Variants in NR3C2 observed in about 807,000 individuals in gnomAD.
NR3C2 encodes mineralocorticoid receptor.
A neutral mutation model predicts 86.4 loss-of-function variants in NR3C2; 15 were observed. That is an observed-to-expected ratio of 0.17 (90% confidence interval 0.12 to 0.27). The LOEUF is 0.27. Among genes scored for constraint, NR3C2 ranks in the 10% least tolerant of loss-of-function variants. The pLI, the probability that NR3C2 is intolerant of heterozygous loss-of-function variation, is 1.00. For missense variants in NR3C2, 960 were observed against 1,195.6 expected, an observed-to-expected ratio of 0.80 and a Z score of 2.91; for synonymous variants, 458 against 450.5, an observed-to-expected ratio of 1.02 and a Z score of -0.21.
intron 4 of NR3C2, among the ~76,000 whole-genome samples, chr4:148,173,364 T>A (rs1735223081): frequency 6.6e-6 from 1 of 152,158 alleles, no homozygotes; most frequent in African/African-American, 2.4e-5. Context: ...TGCCATGTAA[T>A]CATAAGGCTC....
chr4:148,344,734 A>T (rs913094660), intron 2 of NR3C2, among the ~76,000 whole-genome samples: 1 of 152,180 alleles, frequency 6.6e-6, no homozygotes, highest in African/African-American at 2.4e-5. Context: ...TCTAAAAATC[A>T]GACAATTACG....
At chr4:148,274,310 C>T (rs1300573846) in intron 2 of NR3C2, among the ~76,000 whole-genome samples, 1 of 152,190 alleles carries the variant, frequency 6.6e-6, no homozygotes, top group African/African-American at 2.4e-5. Flanking sequence ...AAATTTACCT[C>T]ACAATGGCAT....
upstream of NR3C2, among the ~76,000 whole-genome samples, chr4:148,443,222 CAAAAAAAAAA>C (rs59506438): frequency 2.4e-3 from 97 of 40,998 alleles, 1 homozygote; most frequent in African/African-American, 5.9e-3. Context: ...CCCCTAACAC[CAAAAAAAAAA>C]AAAAAAAAAA....
At chr4:148,417,030 G>A (rs183708637) in intron 2 of NR3C2, among the ~76,000 whole-genome samples, 38 of 152,214 alleles carry the variant, frequency 2.5e-4, no homozygotes, top group Admixed American at 5.9e-4. Context: ...ACCCGCCTCC[G>A]CCTCGCAAAG....
rs1730490794 is a variant in NR3C2, at chr4:148,080,433, TGCA to T, written c.*908_*910del. On this transcript the variant is annotated 3_prime_UTR_variant, in exon 9 of 9. Coordinates refer to ENST00000358102, the MANE Select transcript of NR3C2 (RefSeq NM_000901.5). Reference sequence around the variant, plus strand: ...TACACTGTAAACGGTTCATTATGCATGCAGGACATTGCACTTTACAAAAAAAAA... The same window carrying T: ...TACACTGTAAACGGTTCATTATGCATGGACATTGCACTTTACAAAAAAAAA... 1 of 153,686 alleles carries T rather than the reference TGCA, an allele frequency of 6.5e-6. No homozygotes were observed. Among genetic ancestry groups the T allele is most frequent in the African/African-American group, 2.4e-5 (1 of 41,462 alleles). The allele number at this position is 153,686 out of a possible 1,614,324, so 9.5% of individuals were successfully genotyped here.
intron 3 of NR3C2, among the ~76,000 whole-genome samples, chr4:148,233,738 C>A (rs776457333): frequency 3.3e-5 from 5 of 152,112 alleles, no homozygotes; most frequent in African/African-American, 4.8e-5. Flanking sequence ...AGAACACATA[C>A]AACATTTGTA....
intron 2 of NR3C2, among the ~76,000 whole-genome samples, chr4:148,377,539 T>A (rs540169290): frequency 2.0e-5 from 3 of 152,004 alleles, no homozygotes; most frequent in African/African-American, 7.3e-5. Context: ...AAAAAGCAGA[T>A]GAATTTGGGG....
At chr4:148,096,160 A>G (rs1731267203) in intron 8 of NR3C2, among the ~76,000 whole-genome samples, 1 of 152,220 alleles carries the variant, frequency 6.6e-6, no homozygotes, top group African/African-American at 2.4e-5. Context: ...TGTGAAAAAC[A>G]CAGAGAAAAA....
chr4:148,295,454 C>T (rs1429933026), intron 2 of NR3C2, among the ~76,000 whole-genome samples: 1 of 151,144 alleles, frequency 6.6e-6, no homozygotes, highest in African/African-American at 2.4e-5. Context: ...GCATGCTACA[C>T]TCTAGAGACT....
rs537793754 is a variant in NR3C2, at chr4:148,442,293, G to C, written c.-136C>G. On this transcript the variant is annotated 5_prime_UTR_variant, in exon 1 of 9. Coordinates refer to ENST00000358102, the MANE Select transcript of NR3C2 (RefSeq NM_000901.5). The stretch of plus-strand genomic sequence containing the variant: ...GAGTGCCGCTCTCCCTGCAGCGGGA[G>C]AGCCCGAGGCAGCAACGCTCTTGCA... 6.5e-6 allele frequency: 1 copy of C among 152,736 alleles called. No individual in the cohort carries two copies. Among genetic ancestry groups the C allele is most frequent in the African/African-American group, 2.4e-5 (1 of 41,588 alleles). The allele number at this position is 152,736 out of a possible 1,614,324, so 9.5% of individuals were successfully genotyped here.
chr4:148,129,510 A>AT (rs556361827), intron 6 of NR3C2, among the ~76,000 whole-genome samples: 2 of 152,312 alleles, frequency 1.3e-5, no homozygotes, highest in South Asian at 2.1e-4. Context: ...TGTTATGTGT[A>AT]TTTTTTTATC....
At chr4:148,194,265 T>A (rs932912098) in intron 4 of NR3C2, among the ~76,000 whole-genome samples, 6 of 152,164 alleles carry the variant, frequency 3.9e-5, no homozygotes, top group Non-Finnish European at 7.4e-5. Flanking sequence ...TCGCATTTGG[T>A]TCTAGTTTTT....
At chr4:148,096,660 C>T (rs1731288947) in intron 8 of NR3C2, among the ~76,000 whole-genome samples, 1 of 152,052 alleles carries the variant, frequency 6.6e-6, no homozygotes, top group Non-Finnish European at 1.5e-5. Context: ...TAAGTTTTTT[C>T]CATGTTTGTG....
intron 4 of NR3C2, among the ~76,000 whole-genome samples, chr4:148,181,270 T>TC (rs1735632265): frequency 6.6e-6 from 1 of 152,170 alleles, no homozygotes; most frequent in South Asian, 2.1e-4. Flanking sequence ...AAAGAGGACT[T>TC]CAAGTCCTAT....
At chr4:148,211,024 A>G (rs1012468450) in intron 3 of NR3C2, among the ~76,000 whole-genome samples, 9 of 152,252 alleles carry the variant, frequency 5.9e-5, no homozygotes, top group African/African-American at 1.7e-4. Context: ...GTAAATCCAG[A>G]GATGGCCTTG....
chr4:148,289,598 A>G (rs1183016405), intron 2 of NR3C2, among the ~76,000 whole-genome samples: 1 of 152,178 alleles, frequency 6.6e-6, no homozygotes, highest in Admixed American at 6.6e-5. Context: ...TGTTTGGGCC[A>G]CTATAACAAC....
intron 3 of NR3C2, among the ~76,000 whole-genome samples, chr4:148,221,621 G>A (rs954512414): frequency 1.3e-5 from 2 of 152,094 alleles, no homozygotes; most frequent in Non-Finnish European, 2.9e-5. Flanking sequence ...GGCCAGGTGC[G>A]GTGGCTCACG....
intron 2 of NR3C2, among the ~76,000 whole-genome samples, chr4:148,321,963 C>A (rs1266440968): frequency 1.3e-5 from 2 of 152,162 alleles, no homozygotes; most frequent in Non-Finnish European, 2.9e-5. Context: ...GATGCAGTTT[C>A]TTCCTAGTCT....
intron 8 of NR3C2, among the ~76,000 whole-genome samples, chr4:148,082,886 AG>A (rs1433726647): frequency 6.6e-6 from 1 of 151,954 alleles, no homozygotes; most frequent in Non-Finnish European, 1.5e-5. Flanking sequence ...TGGTGGGGGA[AG>A]GGGGGAGGAG....
Sources: allele counts gnomAD v4.1 joint callset (sites outside exome capture counted in the v4.1 genomes callset), GRCh38; gene constraint gnomAD v4.1.1; transcripts MANE v1.5; gene names NCBI Gene and HGNC (gene_info 2026-07-23, HGNC 2026-07-21).